PCDH15: variants seen among roughly 807,000 people sequenced by gnomAD.
PCDH15 encodes protocadherin-15.
A neutral mutation model predicts 178.5 loss-of-function variants in PCDH15; 129 were observed. The observed-to-expected ratio is 0.72, with a 90% CI of 0.63 to 0.84. PCDH15 has a LOEUF of 0.84. PCDH15 is among the 40% of genes least tolerant of loss of function. The pLI, the probability that PCDH15 is intolerant of heterozygous loss-of-function variation, is 0.00. For synonymous variants in PCDH15, 800 were observed against 732.0 expected, an observed-to-expected ratio of 1.09 and a Z score of -1.50; for missense variants, 2,230 against 2,099.9, an observed-to-expected ratio of 1.06 and a Z score of -1.21.
chr10:54,523,856 A>G (rs1381013158), intron 3 of PCDH15, among the ~76,000 whole-genome samples: 3 of 152,198 alleles, frequency 2.0e-5, no homozygotes, highest in Admixed American at 1.3e-4. Flanking sequence ...ATCATAAGGA[A>G]TGGAAGAAAT....
chr10:55,223,990 G>A (rs1217488569), intron 1 of PCDH15, among the ~76,000 whole-genome samples: 3 of 152,034 alleles, frequency 2.0e-5, no homozygotes, highest in Admixed American at 6.6e-5. Context: ...GGTGGCTCAC[G>A]CCTGTAATCG....
intron 2 of PCDH15, among the ~76,000 whole-genome samples, chr10:55,122,575 G>C (rs898953468): frequency 6.6e-6 from 1 of 152,102 alleles, no homozygotes; most frequent in Non-Finnish European, 1.5e-5. Context: ...GGCTATTTGA[G>C]TGATAAGATC....
intron 2 of PCDH15, among the ~76,000 whole-genome samples, chr10:55,361,802 A>T (rs1214432070): frequency 6.6e-6 from 1 of 152,074 alleles, no homozygotes; most frequent in Non-Finnish European, 1.5e-5. Context: ...AAAGGCTGTG[A>T]TATTTCATTA....
At chr10:54,394,691 A>G (rs987546429) in intron 3 of PCDH15, among the ~76,000 whole-genome samples, 4 of 152,156 alleles carry the variant, frequency 2.6e-5, no homozygotes, top group African/African-American at 7.2e-5. Flanking sequence ...TGGTCTGACC[A>G]AAATTTATTA....
At chr10:55,413,425 C>T (rs1838394826) in intron 2 of PCDH15, among the ~76,000 whole-genome samples, 1 of 151,528 alleles carries the variant, frequency 6.6e-6, no homozygotes, top group Admixed American at 6.6e-5. Context: ...TATTAGGATG[C>T]TTCTATGTTC....
chr10:54,389,554 G>A (rs557615077), intron 3 of PCDH15, among the ~76,000 whole-genome samples: 2 of 152,206 alleles, frequency 1.3e-5, no homozygotes, highest in Admixed American at 6.5e-5. Context: ...ATCTTCACAC[G>A]AGAACTTGTT....
At chr10:55,464,826 A>G (rs1056102077) in intron 2 of PCDH15, among the ~76,000 whole-genome samples, 1 of 150,192 alleles carries the variant, frequency 6.7e-6, no homozygotes, top group Non-Finnish European at 1.5e-5. Context: ...TTTCATTTTA[A>G]CCCTACTTGT....
chr10:55,176,840 T>G lies in PCDH15; in HGVS notation c.-155-10189A>C, dbSNP rs182187537. Among the ~76,000 whole-genome samples the G allele has an allele frequency of 2.0e-5, 3 of 152,270 alleles. No homozygotes were observed. In the East Asian group the frequency reaches 5.8e-4, roughly 29 times the overall value. On this transcript the variant is annotated intron_variant, in intron 1 of 5. Coordinates refer to the PCDH15 transcript ENST00000458638. ...ATATTTCTTTGCATTCGAGGATCCTTGCAACCAGACTACCCAGCTAACTTG... is the reference window on the plus strand; with the variant it reads ...ATATTTCTTTGCATTCGAGGATCCTGGCAACCAGACTACCCAGCTAACTTG...
At chr10:54,222,963 G>C (rs1324345772) in intron 9 of PCDH15, among the ~76,000 whole-genome samples, 1 of 152,036 alleles carries the variant, frequency 6.6e-6, no homozygotes, top group Non-Finnish European at 1.5e-5. Context: ...TTTTTACTTT[G>C]ATGAAGTCAA....
At chr10:55,054,734 T>C (rs1343379026) in intron 2 of PCDH15, among the ~76,000 whole-genome samples, 2 of 152,176 alleles carry the variant, frequency 1.3e-5, no homozygotes, top group Non-Finnish European at 2.9e-5. Context: ...GGCATCTCAT[T>C]GTGGTTTGAT....
At position 54,714,039 on chromosome 10, in the gene PCDH15, T is replaced by C. The variant is rs138977337; in HGVS notation, c.-28-49749A>G. 5.8e-4 allele frequency among the ~76,000 whole-genome samples: 88 copies of C among 152,268 alleles called. 1 individual carries two copies. The highest frequency in any genetic ancestry group is 2.0e-3 in the African/African-American group (85 of 41,582). ...TCTGACTGATGCTACTTCACCTCTG[T>C]GAGACTCAGTTTTCACATCAGAAAC... On this transcript the variant is annotated intron_variant, in intron 1 of 37. Coordinates refer to ENST00000644397, the MANE Select transcript of PCDH15 (RefSeq NM_001384140.1).
intron 8 of PCDH15, among the ~76,000 whole-genome samples, chr10:54,240,091 A>T (rs551842644): frequency 2.0e-5 from 3 of 152,140 alleles, no homozygotes; most frequent in Admixed American, 2.0e-4. Flanking sequence ...AACATGCATT[A>T]TGTTTGAACT....
chr10:55,155,886 T>C (rs1441753749), intron 2 of PCDH15, among the ~76,000 whole-genome samples: 1 of 152,126 alleles, frequency 6.6e-6, no homozygotes, highest in Non-Finnish European at 1.5e-5. Flanking sequence ...CTATTAGCGA[T>C]TTCTGACAAG....
At chr10:54,726,111 C>T (rs4935546) in intron 1 of PCDH15, among the ~76,000 whole-genome samples, 3 of 150,960 alleles carry the variant, frequency 2.0e-5, no homozygotes, top group Non-Finnish European at 4.4e-5. Context: ...TTCTCCCTCC[C>T]CTTTTTGTGG....
chr10:55,103,223 A>G (rs567487012), intron 2 of PCDH15, among the ~76,000 whole-genome samples: 1 of 151,930 alleles, frequency 6.6e-6, no homozygotes, highest in Admixed American at 6.6e-5. Flanking sequence ...TCCATGTCAT[A>G]AAAGGAGTCA....
At chr10:55,363,346 TTTAAC>T (rs1324934962) in intron 2 of PCDH15, among the ~76,000 whole-genome samples, 16 of 152,310 alleles carry the variant, frequency 1.1e-4, no homozygotes, top group African/African-American at 3.6e-4. Flanking sequence ...TGTTTCCAAT[TTTAAC>T]TGTTATAAAT....
intron 18 of PCDH15, among the ~76,000 whole-genome samples, chr10:54,064,127 C>A (rs2094089197): frequency 6.6e-6 from 1 of 152,110 alleles, no homozygotes; most frequent in African/African-American, 2.4e-5. Flanking sequence ...CTCAAGAGAC[C>A]GAAGTGTGTA....
intron 2 of PCDH15, among the ~76,000 whole-genome samples, chr10:55,569,362 A>G (rs1206366865): frequency 1.1e-4 from 16 of 152,028 alleles, no homozygotes; most frequent in Admixed American, 9.2e-4. Context: ...CAGGTCATAT[A>G]TAAGCATCTG....
At chr10:54,979,605 G>T (rs571667211) in intron 2 of PCDH15, among the ~76,000 whole-genome samples, 21,956 of 148,336 alleles carry the variant, frequency 0.15, 1,726 homozygotes, top group Admixed American at 0.2. Flanking sequence ...AGAGGCAGAG[G>T]TTGCAGTGAG....
Sources: gnomAD v4.1 joint callset for allele counts (sites outside exome capture counted in the v4.1 genomes callset) on GRCh38, gnomAD v4.1.1 for gene constraint, MANE v1.5 for transcripts, NCBI Gene and HGNC (gene_info 2026-07-23, HGNC 2026-07-21) for gene names.